STRN4: variants seen among roughly 807,000 people sequenced by gnomAD.
The protein encoded by STRN4 is striatin 4.
A neutral mutation model predicts 77.9 loss-of-function variants in STRN4; 27 were observed. That is an observed-to-expected ratio of 0.35 (90% CI 0.26 to 0.48). STRN4 has a LOEUF of 0.48. Among genes scored for constraint, STRN4 ranks in the 20% least tolerant of loss-of-function variants. The pLI is 0.99. For synonymous variants in STRN4, 466 were observed against 443.1 expected (o/e 1.05, Z -0.65); for missense variants, 798 against 1,049.7 (o/e 0.76, Z 3.31).
At chr19:46,729,417 CAT>C (rs1745380217) in intron 6 of STRN4, among the ~76,000 whole-genome samples, 2 of 152,324 alleles carry the variant, frequency 1.3e-5, no homozygotes, top group South Asian at 4.1e-4. Context: ...ACCCCTTCCA[CAT>C]GTCAGCCCCC....
rs570511648 is a variant in STRN4, at chr19:46,738,593, C to A, written c.386+192G>T. On this transcript the variant is annotated intron_variant, in intron 2 of 17. Transcript: ENST00000263280. This position sits in a 1 kb window ranked among gnomAD's most constrained non-coding sequence, Gnocchi z 4.5. ...AGTGGGCCACTAGCATCGTGAATAT[C>A]GTTCCTGGTGTCTAACCCAAATCCC... Among the ~76,000 whole-genome samples the A allele has an allele frequency of 1.3e-5, 2 of 152,308 alleles. No homozygotes were observed. The highest frequency in any genetic ancestry group is 1.3e-4 in the Admixed American group (2 of 15,300).
chr19:46,746,065 C>T, intron 1 of STRN4, 84 bp downstream of exon 1: 1 of 1,295,014 alleles, frequency 7.7e-7, no homozygotes, highest in Non-Finnish European at 9.8e-7. Context: ...GCCATTGCTC[C>T]AAGATGGCGG....
At chr19:46,727,377 C>G in intron 9 of STRN4, 75 bp downstream of exon 9, 1 of 1,301,260 alleles carries the variant, frequency 7.7e-7, no homozygotes, top group Non-Finnish European at 1.1e-6. Context: ...GGGCGGCACC[C>G]AGTCAGAGCT....
At chr19:46,739,762 C>T (rs1289413328) in intron 1 of STRN4, among the ~76,000 whole-genome samples, 1 of 152,246 alleles carries the variant, frequency 6.6e-6, no homozygotes, top group Non-Finnish European at 1.5e-5. Flanking sequence ...AGGTCATCAG[C>T]CTTCTCTGAG....
At position 46,746,270 on chromosome 19, in the gene STRN4, G is replaced by A. The variant is rs2054608636; in HGVS notation, c.161C>T (p.Pro54Leu). 1 of 1,471,350 alleles carries A rather than the reference G, an allele frequency of 6.8e-7. No homozygotes were observed. Among genetic ancestry groups the A allele is most frequent in the Non-Finnish European group, 9.0e-7 (1 of 1,116,364 alleles). The allele number at this position is 1,471,350 out of a possible 1,614,324, so 91.1% of individuals were successfully genotyped here. ...AGKGGGGGGS[P>L]GPTAGPEPLS... The stretch of plus-strand genomic sequence containing the variant: ...GGGCTCCGGGCCCGCCGTGGGCCCG[G>A]GGCTGCCTCCGCCGCCGCCTCCCTT... Residue 54 changes from proline to leucine, a missense_variant, in exon 1 of 18, where the codon CCC (proline) becomes CTC (leucine). By Grantham distance (98) the Pro-to-Leu change is moderately conservative. This residue lies in a region of STRN4 where 511 missense variants were observed against 575.9 expected (regional missense o/e 0.89). Coordinates refer to ENST00000263280, the MANE Select transcript of STRN4 (RefSeq NM_013403.3).
intron 4 of STRN4, among the ~76,000 whole-genome samples, chr19:46,735,770 G>C (rs1238289219): frequency 1.3e-5 from 2 of 151,940 alleles, no homozygotes; most frequent in Non-Finnish European, 2.9e-5. Flanking sequence ...TTCAAGACCA[G>C]CATGGCCAAC....
At position 46,733,683 on chromosome 19, in the gene STRN4, A is replaced by G. The variant is rs538069464; in HGVS notation, c.540-447T>C. The G allele has an allele frequency of 6.1e-6, 1 of 163,220 alleles. No individual in the cohort carries two copies. The highest frequency in any genetic ancestry group is 1.4e-4 in the South Asian group (1 of 6,976). The allele number at this position is 163,220 out of a possible 1,614,324, so 10.1% of individuals were successfully genotyped here. A position where few individuals can be genotyped will look rare whatever the true frequency, so the allele number is the denominator to read the frequency against. On this transcript the variant is annotated intron_variant, in intron 4 of 17. Transcript: ENST00000263280. The surrounding 1 kb of genome is among the most constrained non-coding windows in gnomAD (Gnocchi z 4.3). ...AGGCGTTAATGTGCATAAAGCTTAC[A>G]CCACACGCAAACACACGTTTGTATT...
rs775499683 is a variant in STRN4 at position 46,730,765 on chromosome 19, C to T, written c.846G>A (p.Leu282=). 3.3e-5 allele frequency: 53 copies of T among 1,612,838 alleles called. No homozygotes were observed. The highest frequency in any genetic ancestry group is 4.4e-5 in the Non-Finnish European group (52 of 1,180,006). Residue 282 remains leucine (L), a synonymous_variant, in exon 6 of 18, where the codon CTG becomes CTA. Coordinates refer to ENST00000263280, the MANE Select transcript of STRN4 (RefSeq NM_013403.3). The part of the protein sequence containing the change: ...EDEDSDEDDE[L]DSVQHKKQRV... ...GCTGCTTCTTGTGCTGCACGCTGTCCAGCTCATCGTCCTCGTCGCTGTCTT... is the reference window on the plus strand; with the variant it reads ...GCTGCTTCTTGTGCTGCACGCTGTCTAGCTCATCGTCCTCGTCGCTGTCTT...
intron 5 of STRN4, 81 bp from the exon 6 acceptor site, chr19:46,730,954 G>C: frequency 6.3e-7 from 1 of 1,574,884 alleles, no homozygotes. Flanking sequence ...TCCCAGGCTT[G>C]GTGGCCAGAG....
chr19:46,727,807 G>A (rs1015776511), intron 8 of STRN4, 87 bp downstream of exon 8: 138 of 1,254,454 alleles, frequency 1.1e-4, no homozygotes, highest in Admixed American at 2.3e-4. Context: ...CCTCGACCCT[G>A]AAGACACAGA....
intron 7 of STRN4, 104 bp downstream of exon 7, chr19:46,728,514 C>T (rs989413278): frequency 6.6e-5 from 94 of 1,414,428 alleles, no homozygotes; most frequent in Non-Finnish European, 1.8e-5. Flanking sequence ...CATATCCGTC[C>T]GGTAGAGAGA....
chr19:46,724,048 G>C (rs1465597415), intron 12 of STRN4, among the ~76,000 whole-genome samples: 1 of 152,028 alleles, frequency 6.6e-6, no homozygotes, highest in Admixed American at 6.6e-5. Context: ...CGGAGTTCAA[G>C]ACCAGCCTGG....
chr19:46,732,727 C>T, intron 5 of STRN4: 1 of 366,254 alleles, frequency 2.7e-6, no homozygotes, highest in Non-Finnish European at 5.1e-6. Context: ...GCTCCACTCC[C>T]TGCTGGCGAG....
At position 46,746,390 on chromosome 19, in the gene STRN4, G is replaced by A. The variant is rs1027043038; in HGVS notation, c.41C>T (p.Ala14Val). ...TGAGCCGAGCGGACGGCAGGAGGAG[G>A]CGGCGGCGGCGACCGCGGCGGCCGC... ...ERAAAAVAAA[A>V]SSCRPLGSGA... The change falls in exon 1 of 18, where the codon GCC becomes GTC. Residue 14 changes from alanine to valine, a missense_variant. This residue lies in a region of STRN4 where 511 missense variants were observed against 575.9 expected (regional missense o/e 0.89). Coordinates refer to ENST00000263280, the MANE Select transcript of STRN4 (RefSeq NM_013403.3). The A allele has an allele frequency of 2.8e-6, 3 of 1,086,814 alleles. No individual in the cohort carries two copies. Among genetic ancestry groups the A allele is most frequent in the Non-Finnish European group, 2.2e-6 (2 of 897,714 alleles). The allele number at this position is 1,086,814 out of a possible 1,614,324, so 67.3% of individuals were successfully genotyped here. A position where few individuals can be genotyped will look rare whatever the true frequency, so the allele number is the denominator to read the frequency against.
intron 3 of STRN4, 50 bp from the exon 4 acceptor site, chr19:46,736,951 A>G: frequency 6.3e-7 from 1 of 1,583,230 alleles, no homozygotes; most frequent in Non-Finnish European, 8.6e-7. Context: ...ACTGCCACCT[A>G]CCCATCACCT....
Position 46,733,249 on chromosome 19 carries a change from A to G in STRN4, c.540-13T>C, listed in dbSNP as rs2122318656. Reference sequence around the variant, plus strand: ...CTCTTCCAGGTACCTGCAGGGGTGCAGAGCCACGTGGGTCAGACATCCCCT... The same window carrying G: ...CTCTTCCAGGTACCTGCAGGGGTGCGGAGCCACGTGGGTCAGACATCCCCT... On this transcript the variant is annotated splice_polypyrimidine_tract_variant and intron_variant, in intron 4 of 17. Transcript: ENST00000263280. This position sits in a 1 kb window ranked among gnomAD's most constrained non-coding sequence, Gnocchi z 4.3. 6.2e-7 allele frequency: 1 copy of G among 1,607,002 alleles called. No homozygotes were observed. Among genetic ancestry groups the G allele is most frequent in the Non-Finnish European group, 8.5e-7 (1 of 1,179,242 alleles).
intron 7 of STRN4, 155 bp from the exon 8 acceptor site, chr19:46,728,162 T>C (rs1217235994): frequency 3.9e-6 from 3 of 768,998 alleles, no homozygotes; most frequent in South Asian, 1.5e-5. Flanking sequence ...GGAGAGGAGG[T>C]TGATTGGGCC....
In STRN4 at chr19:46,738,851, T is replaced by G. The variant is rs772052486; in HGVS notation, c.320A>C (p.Gln107Pro). 1.9e-6 allele frequency: 3 copies of G among 1,614,050 alleles called. No homozygotes were observed. The African/African-American group carries it at 4.0e-5, about 22-fold the overall frequency. ...CACCAGGTCCGTCTTTAGATTCTCC[T>G]GCCCTTTCCTCTCTCCCTGAAGGAA... The part of the protein sequence containing the change: ...VAFLQGERKG[Q>P]ENLKTDLVRR... The change falls in exon 2 of 18, where the codon CAG becomes CCG. Residue 107 changes from glutamine (Q) to proline (P), a missense_variant. Transcript: ENST00000263280. This position sits in a 1 kb window ranked among gnomAD's most constrained non-coding sequence, Gnocchi z 4.5.
intron 3 of STRN4, 109 bp from the exon 4 acceptor site, chr19:46,737,010 CCT>C: frequency 1.0e-6 from 1 of 989,566 alleles, no homozygotes. Flanking sequence ...TGTCGCAGGT[CCT>C]GTGGCATCAC....
Sources: gnomAD v4.1 joint callset for allele counts (sites outside exome capture counted in the v4.1 genomes callset) on GRCh38, gnomAD v4.1.1 for gene constraint, gnomAD v4.1.1 regional missense constraint, Gnocchi (gnomAD v3.1) non-coding constraint, MANE v1.5 for transcripts, NCBI Gene and HGNC (gene_info 2026-07-23, HGNC 2026-07-21) for gene names.